NMRAL1: variants seen among roughly 807,000 people sequenced by gnomAD.
NMRAL1 encodes the protein nmrA-like family domain-containing protein 1.
NMRAL1 carries 32 observed loss-of-function variants against 27.5 expected under a neutral mutation model. The observed-to-expected ratio is 1.16, with a 90% CI of 0.88 to 1.56. The LOEUF is 1.56. Among genes scored for constraint, NMRAL1 ranks in the 40% most tolerant of loss-of-function variants. The pLI is 0.00. For missense variants in NMRAL1, 420 were observed against 392.0 expected (o/e 1.07, Z -0.60); for synonymous variants, 166 against 166.8 (o/e 1.00, Z 0.04).
chr16:4,469,783 C>T (rs1389604678), intron 2 of NMRAL1: 8 of 309,946 alleles, frequency 2.6e-5, no homozygotes, highest in African/African-American at 1.7e-4. Context: ...ACGAGAATTG[C>T]TGGAACCCAG....
intron 4 of NMRAL1, among the ~76,000 whole-genome samples, chr16:4,464,547 G>A (rs1032535938): frequency 1.1e-4 from 17 of 151,632 alleles, no homozygotes; most frequent in South Asian, 2.1e-4. Flanking sequence ...TTCCTGTTCA[G>A]ATCACCTGGG....
chr16:4,475,887 C>G (rs2141485350), upstream of NMRAL1: 1 of 152,232 alleles, frequency 6.6e-6, no homozygotes, highest in East Asian at 1.9e-4. Context: ...TGCAGTGAGC[C>G]GAGATCACGT....
chr16:4,474,788 G>C (rs531118676), upstream of NMRAL1: 2 of 152,484 alleles, frequency 1.3e-5, no homozygotes, highest in African/African-American at 4.8e-5. Context: ...TGCTACGGGT[G>C]ATGACTGGGA....
In NMRAL1 at chr16:4,463,670, T is replaced by G; in HGVS notation, c.710A>C (p.His237Pro). The change falls in exon 5 of 6, where the codon CAC becomes CCC. Residue 237 changes from histidine to proline, a missense_variant. Transcript: ENST00000283429. Reference sequence around the variant, plus strand: ...GGGCGGGAGGCCCACCTTGGCATCGTGCACGACCTTGCGGGTGTGCTTGGT... The same window carrying G: ...GGGCGGGAGGCCCACCTTGGCATCGGGCACGACCTTGCGGGTGTGCTTGGT... ...LLTKHTRKVV[H>P]DAKMTPEDYE... 2 of 1,613,602 alleles carry G rather than the reference T, an allele frequency of 1.2e-6. No homozygotes were observed. The highest frequency in any genetic ancestry group is 1.7e-6 in the Non-Finnish European group (2 of 1,179,986).
At chr16:4,468,992 C>T (rs997719709) in intron 3 of NMRAL1, among the ~76,000 whole-genome samples, 4 of 136,008 alleles carry the variant, frequency 2.9e-5, no homozygotes, top group Admixed American at 7.3e-5. Flanking sequence ...AAAAAACAAA[C>T]GAACAGGCCA....
At position 4,474,139 on chromosome 16, in the gene NMRAL1, G is replaced by A. The variant is rs771252709; in HGVS notation, c.-7C>T. On this transcript the variant is annotated 5_prime_UTR_variant, in exon 2 of 6. Transcript: ENST00000283429. The stretch of plus-strand genomic sequence containing the variant: ...CCAGTTTCTTGTCCACCATGAGGAC[G>A]AGAATGGGACGAATCCGGTCCAGAG... 2 of 1,611,272 alleles carry A rather than the reference G, an allele frequency of 1.2e-6. No individual in the cohort carries two copies. The highest frequency in any genetic ancestry group is 1.7e-6 in the Non-Finnish European group (2 of 1,178,520).
Position 4,474,111 on chromosome 16 carries a change from C to T in NMRAL1, c.22G>A (p.Val8Met), listed in dbSNP as rs1197589553. ...GGCTCACCTGTGCCTCCGAAAACCA[C>T]CACCAGTTTCTTGTCCACCATGAGG... MVDKKLV[V>M]VFGGTGAQGG... Residue 8 changes from valine to methionine, a missense_variant, in exon 2 of 6, where the codon GTG becomes ATG. Val to Met is a conservative substitution (Grantham distance 21). Coordinates refer to ENST00000283429, the MANE Select transcript of NMRAL1 (RefSeq NM_020677.6). The T allele has an allele frequency of 1.9e-6, 3 of 1,612,368 alleles. No individual in the cohort carries two copies. The highest frequency in any genetic ancestry group is 2.7e-5 in the African/African-American group (2 of 74,900).
chr16:4,468,244 G>A (rs2057405408), intron 3 of NMRAL1, among the ~76,000 whole-genome samples: 1 of 152,194 alleles, frequency 6.6e-6, no homozygotes, highest in African/African-American at 2.4e-5. Flanking sequence ...GGAGGTTGCG[G>A]TGAGCCAAGA....
intron 2 of NMRAL1, among the ~76,000 whole-genome samples, chr16:4,472,698 C>G (rs991200648): frequency 2.0e-5 from 3 of 149,866 alleles, no homozygotes; most frequent in Admixed American, 1.3e-4. Flanking sequence ...GAGCAGAGAT[C>G]ACGCCACTGC....
chr16:4,469,466 C>G lies in NMRAL1; in HGVS notation c.41-1G>C. ...CGGGCCACGGAGCCACCCTGGGCACCTACAAAGAATCAAAAAGACCTCTCA... is the reference window on the plus strand; with the variant it reads ...CGGGCCACGGAGCCACCCTGGGCACGTACAAAGAATCAAAAAGACCTCTCA... On this transcript the variant is annotated splice_acceptor_variant, in intron 2 of 5. Transcript: ENST00000283429. LOFTEE classifies it high-confidence loss of function. The G allele has an allele frequency of 1.9e-6, 3 of 1,613,402 alleles. No individual in the cohort carries two copies. Among genetic ancestry groups the G allele is most frequent in the Non-Finnish European group, 2.5e-6 (3 of 1,179,462 alleles).
Position 4,461,758 on chromosome 16 carries a change from A to G in NMRAL1, c.*22T>C. On this transcript the variant is annotated 3_prime_UTR_variant, in exon 6 of 6. Transcript: ENST00000283429. ...CCCCTCTGGTGCCCCCGATCCCCAC[A>G]AGGGGCCGCGAGGCGGGCAGGTCAC... 2 of 1,593,614 alleles carry G rather than the reference A, an allele frequency of 1.3e-6. No individual in the cohort carries two copies. Among genetic ancestry groups the G allele is most frequent in the Non-Finnish European group, 1.7e-6 (2 of 1,170,040 alleles).
intron 3 of NMRAL1, chr16:4,467,125 G>A (rs1252109656): frequency 6.6e-6 from 1 of 152,326 alleles, no homozygotes; most frequent in Non-Finnish European, 1.5e-5. Flanking sequence ...ACCTGGAGAA[G>A]GCCATGCGAA....
chr16:4,471,147 T>C (rs1483025776), intron 2 of NMRAL1, among the ~76,000 whole-genome samples: 2 of 152,106 alleles, frequency 1.3e-5, no homozygotes, highest in Non-Finnish European at 2.9e-5. Flanking sequence ...TGATGGGATT[T>C]GAATTCTTCC....
intron 3 of NMRAL1, among the ~76,000 whole-genome samples, chr16:4,467,608 TCG>T (rs2057377619): frequency 6.6e-6 from 1 of 151,704 alleles, no homozygotes; most frequent in Non-Finnish European, 1.5e-5. Context: ...TATCAGAGAA[TCG>T]ATTTCTGTGG....
At chr16:4,468,961 A>G (rs1389397489) in intron 3 of NMRAL1, among the ~76,000 whole-genome samples, 1 of 125,658 alleles carries the variant, frequency 8.0e-6, no homozygotes, top group East Asian at 2.4e-4. Context: ...AAAAACTTCT[A>G]ACATTTTTGA....
In NMRAL1 at chr16:4,463,812, C is replaced by G. The variant is rs1214762545; in HGVS notation, c.568G>C (p.Val190Leu). Reference sequence around the variant, plus strand: ...AGCACCACAGGACCCAGGTCAGACACGGACATGCCATCCATGGGAACGTCA... The same window carrying G: ...AGCACCACAGGACCCAGGTCAGACAGGGACATGCCATCCATGGGAACGTCA... ...TGDVPMDGMS[V>L]SDLGPVVLSL... is the part of the protein sequence containing the mutation. Residue 190 changes from valine to leucine, a missense_variant, in exon 5 of 6, where the codon GTG becomes CTG. Transcript: ENST00000283429. 1 of 1,613,752 alleles carries G rather than the reference C, an allele frequency of 6.2e-7. No homozygotes were observed. Among genetic ancestry groups the G allele is most frequent in the African/African-American group, 1.3e-5 (1 of 74,930 alleles).
rs1241960634 is a variant in NMRAL1, at chr16:4,469,434, G to C, written c.72C>G (p.Leu24=). ...GAQGGSVART[L]LEDGTFKVRV... ...GAACCTTGAATGTCCCATCTTCCAG[G>C]AGTGTGCGGGCCACGGAGCCACCCT... Residue 24 remains leucine, a synonymous_variant, in exon 3 of 6, where the codon CTC becomes CTG. Transcript: ENST00000283429. The C allele has an allele frequency of 6.2e-7, 1 of 1,614,002 alleles. No homozygotes were observed. The highest frequency in any genetic ancestry group is 1.3e-5 in the African/African-American group (1 of 74,996).
chr16:4,472,267 C>A (rs1189019632), intron 2 of NMRAL1, among the ~76,000 whole-genome samples: 1 of 152,050 alleles, frequency 6.6e-6, no homozygotes, highest in Non-Finnish European at 1.5e-5. Flanking sequence ...CATGGTGAAA[C>A]CCCGTCTCTA....
rs942919475 is a variant in NMRAL1, at chr16:4,466,355, C to A, written c.327G>T (p.Val109=). 6.2e-7 allele frequency: 1 copy of A among 1,613,666 alleles called. No homozygotes were observed. Among genetic ancestry groups the A allele is most frequent in the Non-Finnish European group, 8.5e-7 (1 of 1,180,038 alleles). Residue 109 remains valine, a synonymous_variant, in exon 4 of 6, where the codon GTG becomes GTT. Transcript: ENST00000283429. ...DLARRLGLHY[V]VYSGLENIKK... is the part of the protein sequence containing the mutation. ...TGATGTTCTCCAGGCCGCTGTAGAC[C>A]ACATAGTGGAGGCCCAGGCGCCTGG...
Sources: allele counts gnomAD v4.1 joint callset (sites outside exome capture counted in the v4.1 genomes callset), GRCh38; gene constraint gnomAD v4.1.1; transcripts MANE v1.5; gene names NCBI Gene and HGNC (gene_info 2026-07-23, HGNC 2026-07-21).